Variants in NFIC observed in about 807,000 individuals in gnomAD.
NFIC encodes nuclear factor 1 C-type.
A neutral mutation model predicts 54.4 loss-of-function variants in NFIC; 12 were observed. The ratio of observed to expected loss-of-function variants is 0.22; its 90% confidence interval spans 0.14 to 0.36. The LOEUF (loss-of-function observed/expected upper bound fraction) is 0.36, where lower values mean the gene tolerates loss of function less well. NFIC is among the 10% of genes least tolerant of loss of function. NFIC has a pLI of 1.00. For missense variants in NFIC, 575 were observed against 718.2 expected, an observed-to-expected ratio of 0.80 and a Z score of 2.28; for synonymous variants, 322 against 319.2, an observed-to-expected ratio of 1.01 and a Z score of -0.09.
chr19:3,404,137 T>C (rs1199020774), intron 2 of NFIC, among the ~76,000 whole-genome samples: 4 of 150,562 alleles, frequency 2.7e-5, no homozygotes, highest in Admixed American at 6.6e-5. Context: ...CCTGCCCTTC[T>C]CCCCCCCCCG....
intron 5 of NFIC, among the ~76,000 whole-genome samples, chr19:3,434,708 C>T (rs2082171279): frequency 6.6e-6 from 1 of 152,170 alleles, no homozygotes; most frequent in South Asian, 2.1e-4. Flanking sequence ...TGACCTCGAG[C>T]AGGTCACACT....
At chr19:3,461,257 CA>C (rs57979040) in intron 10 of NFIC, among the ~76,000 whole-genome samples, 5,115 of 78,196 alleles carry the variant, frequency 0.065, 253 homozygotes, top group African/African-American at 0.2. Flanking sequence ...CCCACCTCTA[CA>C]AAAAAAAAAA....
intron 2 of NFIC, among the ~76,000 whole-genome samples, chr19:3,406,195 C>T (rs1362481982): frequency 1.3e-5 from 2 of 152,160 alleles, no homozygotes; most frequent in African/African-American, 4.8e-5. Flanking sequence ...CAGGTTCAAG[C>T]GATTCTCCTG....
At chr19:3,391,372 C>T (rs546250037) in intron 2 of NFIC, among the ~76,000 whole-genome samples, 5 of 152,228 alleles carry the variant, frequency 3.3e-5, no homozygotes, top group South Asian at 4.1e-4. Context: ...TATCTATGGC[C>T]GGCTGTGGTG....
At chr19:3,372,811 G>A (rs1443526908) in intron 1 of NFIC, among the ~76,000 whole-genome samples, 5 of 151,938 alleles carry the variant, frequency 3.3e-5, no homozygotes, top group Non-Finnish European at 7.4e-5. Context: ...CCTCCTCGAG[G>A]TAGTGGGTGC....
chr19:3,366,556 C>CG (rs1191836660), upstream of NFIC: 34 of 493,166 alleles, frequency 6.9e-5, no homozygotes, highest in South Asian at 2.8e-4. Context: ...TTGGGGGGGG[C>CG]GGGGGGGTGG....
chr19:3,382,813 G>A (rs2081235585), intron 2 of NFIC, among the ~76,000 whole-genome samples: 1 of 151,432 alleles, frequency 6.6e-6, no homozygotes, highest in Admixed American at 6.6e-5. Flanking sequence ...GTGATATGGT[G>A]CAAGGAGCGT....
chr19:3,421,012 C>G (rs561347054), intron 2 of NFIC, among the ~76,000 whole-genome samples: 1 of 152,170 alleles, frequency 6.6e-6, no homozygotes, highest in African/African-American at 2.4e-5. Context: ...CGTGAGCCAC[C>G]GCGCCCAGCC....
chr19:3,408,595 C>T (rs966928437), intron 2 of NFIC, among the ~76,000 whole-genome samples: 1 of 152,130 alleles, frequency 6.6e-6, no homozygotes, highest in Non-Finnish European at 1.5e-5. Context: ...ATGCAGCACG[C>T]ACCACCACAC....
upstream of NFIC, among the ~76,000 whole-genome samples, chr19:3,363,281 T>C (rs2080841279): frequency 8.4e-6 from 1 of 118,434 alleles, no homozygotes. Flanking sequence ...TTTTTTTTTT[T>C]TTTTTTTTGA....
At position 3,465,517 on chromosome 19, in the gene NFIC, C is replaced by T. The variant is rs1270392038; in HGVS notation, c.*2748C>T. On this transcript the variant is annotated 3_prime_UTR_variant, in exon 11 of 11. Transcript: ENST00000443272. Reference sequence around the variant, plus strand: ...CAATTGCCCCCAGGTCTACCCAGCCCCTGGCTGTCCTTGGTCCTGTCTCCC... The same window carrying T: ...CAATTGCCCCCAGGTCTACCCAGCCTCTGGCTGTCCTTGGTCCTGTCTCCC... 1 of 152,048 alleles carries T rather than the reference C, an allele frequency of 6.6e-6. No individual in the cohort carries two copies. The allele number at this position is 152,048 out of a possible 1,614,324, so 9.4% of individuals were successfully genotyped here.
At chr19:3,420,644 ATAG>A (rs1254293062) in intron 2 of NFIC, among the ~76,000 whole-genome samples, 1 of 152,180 alleles carries the variant, frequency 6.6e-6, no homozygotes, top group Non-Finnish European at 1.5e-5. Context: ...TCAAATAGCA[ATAG>A]TAGTGAAGCT....
chr19:3,363,228 T>TGTGTGTGTGTGTGTGC (rs1420040180), upstream of NFIC, among the ~76,000 whole-genome samples: 285 of 61,740 alleles, frequency 4.6e-3, 2 homozygotes, highest in Non-Finnish European at 6.3e-3. Flanking sequence ...TGTATATGTA[T>TGTGTGTGTGTGTGTGC]GTGTATGTGT....
chr19:3,423,623 C>T (rs1472001679), intron 2 of NFIC, among the ~76,000 whole-genome samples: 5 of 152,154 alleles, frequency 3.3e-5, no homozygotes, highest in South Asian at 2.1e-4. Context: ...GGATGTGACT[C>T]GTCCTGCATC....
chr19:3,454,457 TC>T, intron 9 of NFIC: 1 of 169,130 alleles, frequency 5.9e-6, no homozygotes. Context: ...TCTTCGCCTG[TC>T]CACCTGACCT....
chr19:3,383,182 G>T (rs769919728), intron 2 of NFIC, among the ~76,000 whole-genome samples: 21 of 152,268 alleles, frequency 1.4e-4, no homozygotes, highest in Non-Finnish European at 2.6e-4. Context: ...GTGAATGCTT[G>T]TTGGTTGATT....
At chr19:3,405,202 A>T (rs1039942360) in intron 2 of NFIC, among the ~76,000 whole-genome samples, 1 of 152,254 alleles carries the variant, frequency 6.6e-6, no homozygotes, top group Non-Finnish European at 1.5e-5. Context: ...GAACGCAGGA[A>T]GGACGAGGCC....
intron 2 of NFIC, among the ~76,000 whole-genome samples, chr19:3,411,733 C>T (rs769413317): frequency 6.6e-6 from 1 of 152,122 alleles, no homozygotes; most frequent in Non-Finnish European, 1.5e-5. Flanking sequence ...TGCTCACATC[C>T]GGCGGCACAC....
At chr19:3,368,492 AG>A (rs995723722) in intron 1 of NFIC, among the ~76,000 whole-genome samples, 24 of 152,214 alleles carry the variant, frequency 1.6e-4, no homozygotes, top group Non-Finnish European at 3.2e-4. Flanking sequence ...AAAACTATCC[AG>A]GGGTGCTGCG....
Sources: allele counts gnomAD v4.1 joint callset (sites outside exome capture counted in the v4.1 genomes callset), GRCh38; gene constraint gnomAD v4.1.1; transcripts MANE v1.5; gene names NCBI Gene and HGNC (gene_info 2026-07-23, HGNC 2026-07-21).